The following KCNIP4 variants were observed in gnomAD, a reference collection of about 807,000 sequenced individuals.
The protein encoded by KCNIP4 is potassium voltage-gated channel interacting protein 4, also known as Kv channel-interacting protein 4.
In KCNIP4, 12 loss-of-function variants were observed where a neutral mutation model predicts 34.0. That is an observed-to-expected ratio of 0.35 (90% CI 0.23 to 0.57). The LOEUF is 0.57. Among genes scored for constraint, KCNIP4 ranks in the 20% least tolerant of loss-of-function variants. The probability of loss-of-function intolerance (pLI) is 0.83; values close to 1 mark genes in which losing one functional copy is unlikely to be tolerated. For synonymous variants in KCNIP4, 124 were observed against 102.2 expected (o/e 1.21, Z -1.29); for missense variants, 238 against 311.7 (o/e 0.76, Z 1.78).
At chr4:21,181,257 T>A (rs1754819908) in intron 1 of KCNIP4, among the ~76,000 whole-genome samples, 1 of 151,994 alleles carries the variant, frequency 6.6e-6, no homozygotes, top group African/African-American at 2.4e-5. Flanking sequence ...CCACTTAATA[T>A]CATTTGATTA....
intron 1 of KCNIP4, among the ~76,000 whole-genome samples, chr4:21,479,533 T>C (rs1731255158): frequency 6.6e-6 from 1 of 152,120 alleles, no homozygotes; most frequent in South Asian, 2.1e-4. Context: ...AGAAGAAAGA[T>C]AGTGCTTAGG....
chr4:21,327,085 G>A (rs370592761), intron 1 of KCNIP4, among the ~76,000 whole-genome samples: 20 of 152,002 alleles, frequency 1.3e-4, no homozygotes, highest in African/African-American at 3.9e-4. Flanking sequence ...TACACATGAC[G>A]ATTACAGTGA....
At chr4:21,059,906 T>C (rs1215732939) in intron 1 of KCNIP4, among the ~76,000 whole-genome samples, 1 of 152,002 alleles carries the variant, frequency 6.6e-6, no homozygotes, top group Non-Finnish European at 1.5e-5. Context: ...GCCCTTGTCT[T>C]AAAAAAAGAA....
intron 1 of KCNIP4, among the ~76,000 whole-genome samples, chr4:21,753,321 G>A (rs2109148686): frequency 6.6e-6 from 1 of 152,184 alleles, no homozygotes; most frequent in Admixed American, 6.5e-5. Flanking sequence ...GCAATCTCTG[G>A]GTGCACTAAG....
intron 1 of KCNIP4, among the ~76,000 whole-genome samples, chr4:21,827,554 T>G (rs1722746152): frequency 6.6e-6 from 1 of 152,010 alleles, no homozygotes; most frequent in Non-Finnish European, 1.5e-5. Context: ...CAAAGTTTGG[T>G]TACATCCTCA....
chr4:21,103,819 G>C (rs1748202117), intron 1 of KCNIP4, among the ~76,000 whole-genome samples: 1 of 144,910 alleles, frequency 6.9e-6, no homozygotes, highest in Non-Finnish European at 1.5e-5. Context: ...CCACCTATGA[G>C]TGAGAACATG....
chr4:21,453,860 C>A (rs1728712606), intron 1 of KCNIP4, among the ~76,000 whole-genome samples: 1 of 152,072 alleles, frequency 6.6e-6, no homozygotes, highest in Admixed American at 6.6e-5. Context: ...CACCTAAGCT[C>A]TAAAGTCAGA....
intron 1 of KCNIP4, among the ~76,000 whole-genome samples, chr4:21,477,346 T>G (rs1731071816): frequency 6.6e-6 from 1 of 152,170 alleles, no homozygotes; most frequent in Non-Finnish European, 1.5e-5. Flanking sequence ...TGAGCTCATT[T>G]TATAGTCTCT....
chr4:21,328,125 T>G (rs1715274811), intron 1 of KCNIP4, among the ~76,000 whole-genome samples: 1 of 152,090 alleles, frequency 6.6e-6, no homozygotes, highest in South Asian at 2.1e-4. Flanking sequence ...GGGTATTCAT[T>G]GCTGTCTGGG....
intron 1 of KCNIP4, among the ~76,000 whole-genome samples, chr4:21,873,317 A>G (rs942048429): frequency 2.0e-5 from 3 of 152,156 alleles, no homozygotes; most frequent in Non-Finnish European, 4.4e-5. Context: ...ATGCAAACCA[A>G]CCACTCAGCT....
At chr4:21,504,170 T>G (rs1431290137) in intron 1 of KCNIP4, among the ~76,000 whole-genome samples, 1 of 152,056 alleles carries the variant, frequency 6.6e-6, no homozygotes, top group Non-Finnish European at 1.5e-5. Context: ...GTAGTCATGA[T>G]AGAGTGGTAG....
chr4:21,477,541 T>C (rs998568810), intron 1 of KCNIP4, among the ~76,000 whole-genome samples: 1 of 152,154 alleles, frequency 6.6e-6, no homozygotes, highest in Non-Finnish European at 1.5e-5. Flanking sequence ...GATAAGCGTA[T>C]CATGGGGGCA....
chr4:21,115,462 A>G (rs915499748), intron 1 of KCNIP4, among the ~76,000 whole-genome samples: 6 of 152,224 alleles, frequency 3.9e-5, no homozygotes, highest in Non-Finnish European at 8.8e-5. Flanking sequence ...CAAATATAAC[A>G]AAGTATTTTC....
chr4:21,456,679 G>A (rs986780467), intron 1 of KCNIP4, among the ~76,000 whole-genome samples: 5 of 129,054 alleles, frequency 3.9e-5, no homozygotes, highest in Admixed American at 7.2e-5. Context: ...AGTAAGTCGC[G>A]TATTTGTGGG....
chr4:21,888,260 A>G (rs1726898211), intron 1 of KCNIP4, among the ~76,000 whole-genome samples: 1 of 152,150 alleles, frequency 6.6e-6, no homozygotes, highest in South Asian at 2.1e-4. Flanking sequence ...CATACACAGA[A>G]TAACTTAAAG....
chr4:21,943,864 A>C (rs915322622), intron 1 of KCNIP4, among the ~76,000 whole-genome samples: 12 of 152,134 alleles, frequency 7.9e-5, no homozygotes, highest in African/African-American at 2.9e-4. Context: ...ATGGAAATTG[A>C]AGGAAGAGAC....
At chr4:21,137,330 A>G (rs1261114132) in intron 1 of KCNIP4, among the ~76,000 whole-genome samples, 2 of 152,214 alleles carry the variant, frequency 1.3e-5, no homozygotes, top group Non-Finnish European at 2.9e-5. Context: ...AAGATGTGGA[A>G]CAGAACTTAA....
At chr4:21,659,937 G>A (rs900886343) in intron 1 of KCNIP4, among the ~76,000 whole-genome samples, 7 of 152,072 alleles carry the variant, frequency 4.6e-5, no homozygotes, top group South Asian at 2.1e-4. Flanking sequence ...TTCCCTTTTC[G>A]TTTGTTCCAT....
rs765800468 is a variant in KCNIP4, at chr4:20,882,628, G to A, written c.143C>T (p.Thr48Met). ...CTTGCTTTGAATAGCAGGAGACGAC[G>A]TTTTGGCAGCTGAGCAGGGCAAGAG... ...MKLLPCSAAKTSSPAIQNSVE... is the reference protein window; with the variant it reads ...MKLLPCSAAKMSSPAIQNSVE... Residue 48 changes from threonine (T) to methionine (M), a missense_variant, in exon 2 of 9, where the codon ACG becomes ATG. Transcript: ENST00000382152. 22 of 1,613,252 alleles carry A rather than the reference G, an allele frequency of 1.4e-5. No homozygotes were observed. The highest frequency in any genetic ancestry group is 1.6e-4 in the Middle Eastern group (1 of 6,082).
Sources: gnomAD v4.1 joint callset for allele counts (sites outside exome capture counted in the v4.1 genomes callset) on GRCh38, gnomAD v4.1.1 for gene constraint, MANE v1.5 for transcripts, NCBI Gene and HGNC (gene_info 2026-07-23, HGNC 2026-07-21) for gene names.